IGSF11: variants seen among roughly 807,000 people sequenced by gnomAD.
IGSF11 encodes the protein CXADR like 1.
In IGSF11, 22 loss-of-function variants were observed where a neutral mutation model predicts 41.0. The ratio of observed to expected loss-of-function variants is 0.54; its 90% CI spans 0.38 to 0.77. IGSF11 has a LOEUF of 0.77. IGSF11 is among the 30% of genes least tolerant of loss of function. IGSF11 has a pLI of 0.00. For synonymous variants in IGSF11, 219 were observed against 201.3 expected (o/e 1.09, Z -0.74); for missense variants, 444 against 530.8 (o/e 0.84, Z 1.61).
chr3:119,074,593 T>C (rs559593124), intron 1 of IGSF11, among the ~76,000 whole-genome samples: 1 of 151,380 alleles, frequency 6.6e-6, no homozygotes, highest in South Asian at 2.1e-4. Context: ...CGAGATTACA[T>C]ACCTGTAATC....
chr3:119,127,150 T>C (rs2077415066), intron 1 of IGSF11, among the ~76,000 whole-genome samples: 1 of 152,050 alleles, frequency 6.6e-6, no homozygotes, highest in Non-Finnish European at 1.5e-5. Flanking sequence ...TTAGAGGAAT[T>C]GCTAACTAGA....
intron 1 of IGSF11, among the ~76,000 whole-genome samples, chr3:118,982,128 A>G (rs1002355711): frequency 2.6e-5 from 4 of 152,164 alleles, no homozygotes; most frequent in African/African-American, 9.7e-5. Context: ...TAAGAGGGAA[A>G]CCTGGTCATG....
At chr3:119,107,022 A>G (rs2077042322), upstream of IGSF11, among the ~76,000 whole-genome samples, 1 of 152,168 alleles carries the variant, frequency 6.6e-6, no homozygotes, top group African/African-American at 2.4e-5. Context: ...AGTCTTTGCT[A>G]TTGTAAATAG....
At chr3:118,942,768 T>A (rs1234502118) in intron 1 of IGSF11, among the ~76,000 whole-genome samples, 2 of 152,222 alleles carry the variant, frequency 1.3e-5, no homozygotes, top group African/African-American at 4.8e-5. Flanking sequence ...TATTCCTTTA[T>A]CTTGTCGGCT....
At position 118,901,336 on chromosome 3, in the gene IGSF11, A is replaced by G. The variant is rs561284828; in HGVS notation, c.*1184T>C. ...TGCAACCCTGAGCTGACACAAATGT[A>G]GGGTAGACACTTCCAGGAGCACACC... On this transcript the variant is annotated 3_prime_UTR_variant, in exon 7 of 7. Transcript: ENST00000393775. 1 of 152,298 alleles carries G rather than the reference A, an allele frequency of 6.6e-6. No individual in the cohort carries two copies. Among genetic ancestry groups the G allele is most frequent in the South Asian group, 2.1e-4 (1 of 4,818 alleles). 9.4% of individuals were successfully genotyped at this position (152,298 alleles called of 1,614,324 possible). A position where few individuals can be genotyped will look rare whatever the true frequency, so the allele number is the denominator to read the frequency against.
At chr3:118,989,980 G>A (rs1449721773) in intron 1 of IGSF11, among the ~76,000 whole-genome samples, 1 of 152,148 alleles carries the variant, frequency 6.6e-6, no homozygotes, top group Non-Finnish European at 1.5e-5. Flanking sequence ...GGCAGAGGAA[G>A]AGCATCTGCA....
chr3:118,909,088 G>A (rs985944895), intron 4 of IGSF11, among the ~76,000 whole-genome samples: 4 of 152,014 alleles, frequency 2.6e-5, no homozygotes, highest in Admixed American at 6.6e-5. Flanking sequence ...ATATTTTTCC[G>A]AATCATAAAA....
intron 1 of IGSF11, among the ~76,000 whole-genome samples, chr3:119,099,194 C>T (rs11917432): frequency 0.027 from 4,074 of 152,268 alleles, 170 homozygotes; most frequent in African/African-American, 0.093. Context: ...TGTCTAACCT[C>T]AGTTTTTAAT....
Position 119,034,589 on chromosome 3 carries a change from G to A in IGSF11, c.-7C>T. On this transcript the variant is annotated 5_prime_UTR_variant, in exon 1 of 7. Coordinates refer to ENST00000393775, the MANE Select transcript of IGSF11 (RefSeq NM_001015887.3). ...GGGAACGCTGAGAAGTCATCCCGGG[G>A]CCGCAGGGAGCGCGCCTGCCTCCTA... is the stretch of plus-strand genomic sequence containing the variant. 2.5e-6 allele frequency: 4 copies of A among 1,586,860 alleles called. No homozygotes were observed. Among genetic ancestry groups the A allele is most frequent in the African/African-American group, 1.4e-5 (1 of 73,566 alleles).
chr3:119,114,790 C>A (rs1480257093), intron 1 of IGSF11, among the ~76,000 whole-genome samples: 2 of 152,202 alleles, frequency 1.3e-5, no homozygotes, highest in Non-Finnish European at 2.9e-5. Flanking sequence ...TACCAATTTT[C>A]TGTATTAGTT....
intron 1 of IGSF11, among the ~76,000 whole-genome samples, chr3:119,022,990 G>A (rs985412872): frequency 9.9e-5 from 15 of 152,060 alleles, no homozygotes; most frequent in African/African-American, 2.2e-4. Context: ...GGCTGAGCAC[G>A]GTGGCTCATG....
intron 1 of IGSF11, among the ~76,000 whole-genome samples, chr3:119,048,740 A>T (rs1215492608): frequency 6.6e-6 from 1 of 152,030 alleles, no homozygotes; most frequent in Admixed American, 6.5e-5. Context: ...TTGATGCAAA[A>T]ATCCTCAATA....
In IGSF11 at chr3:119,067,149, G is replaced by A. The variant is rs564738567; in HGVS notation, c.49+37995C>T. On this transcript the variant is annotated intron_variant, in intron 1 of 6. Coordinates refer to the IGSF11 transcript ENST00000354673. ...CCATGTATTTAAAAAATGATACAAA[G>A]CTCCAAGTAATGTTATCTTTCACCA... 3.6e-4 allele frequency among the ~76,000 whole-genome samples: 55 copies of A among 152,132 alleles called. No homozygotes were observed. In the South Asian group the frequency reaches 6.7e-3, roughly 18 times the overall value.
At chr3:119,064,349 CT>C (rs1219717508) in intron 1 of IGSF11, among the ~76,000 whole-genome samples, 1 of 151,984 alleles carries the variant, frequency 6.6e-6, no homozygotes, top group Non-Finnish European at 1.5e-5. Flanking sequence ...AATTAGATGG[CT>C]GAGTATGTGT....
chr3:118,961,979 A>C (rs1945367650), intron 1 of IGSF11, among the ~76,000 whole-genome samples: 1 of 152,222 alleles, frequency 6.6e-6, no homozygotes, highest in African/African-American at 2.4e-5. Context: ...TTATTTCAGA[A>C]GGAACACTAA....
intron 1 of IGSF11, among the ~76,000 whole-genome samples, chr3:118,953,452 T>C (rs1286485415): frequency 6.6e-6 from 1 of 152,148 alleles, no homozygotes; most frequent in African/African-American, 2.4e-5. Context: ...TCTACTTTTA[T>C]TAATAGTTAT....
intron 1 of IGSF11, among the ~76,000 whole-genome samples, chr3:118,963,829 A>T (rs965049383): frequency 6.6e-6 from 1 of 152,158 alleles, no homozygotes; most frequent in Non-Finnish European, 1.5e-5. Context: ...TACAATTTTA[A>T]TTAATATTCT....
chr3:119,144,210 C>T (rs1047589751), intron 1 of IGSF11, among the ~76,000 whole-genome samples: 9 of 152,236 alleles, frequency 5.9e-5, no homozygotes, highest in South Asian at 4.1e-4. Flanking sequence ...CCACCACACC[C>T]GGCTGATTTT....
At chr3:118,919,252 G>C (rs1356066338) in intron 4 of IGSF11, among the ~76,000 whole-genome samples, 1 of 137,790 alleles carries the variant, frequency 7.3e-6, no homozygotes. Context: ...AGCCAAAATT[G>C]ACAAATGGGA....
Sources: allele counts gnomAD v4.1 joint callset (sites outside exome capture counted in the v4.1 genomes callset), GRCh38; gene constraint gnomAD v4.1.1; transcripts MANE v1.5; gene names NCBI Gene and HGNC (gene_info 2026-07-23, HGNC 2026-07-21).